The following CNTN5 variants were observed in gnomAD, a reference collection of about 807,000 sequenced individuals.
CNTN5 encodes contactin 5.
Under a neutral mutation model 129.1 loss-of-function variants are expected in CNTN5, and 77 were observed. The ratio of observed to expected loss-of-function variants is 0.60; its 90% CI spans 0.50 to 0.72. The LOEUF (loss-of-function observed/expected upper bound fraction) is 0.72. Ranked by LOEUF, CNTN5 falls within the 30% of genes least tolerant of loss-of-function variation. CNTN5 has a pLI of 0.00. For synonymous variants in CNTN5, 509 were observed against 465.6 expected (o/e 1.09, Z -1.20); for missense variants, 1,478 against 1,328.8 (o/e 1.11, Z -1.75).
At chr11:100,020,536 T>C (rs781484078) in intron 9 of CNTN5, among the ~76,000 whole-genome samples, 6 of 152,108 alleles carry the variant, frequency 3.9e-5, no homozygotes, top group Non-Finnish European at 8.8e-5. Context: ...GTTATAACTT[T>C]GTGGTAGATT....
rs550734212 is a variant in CNTN5 at position 99,245,854 on chromosome 11, A to G, written c.-209-79492A>G. Among the ~76,000 whole-genome samples the G allele has an allele frequency of 7.9e-5, 12 of 152,266 alleles. No individual in the cohort carries two copies. In the South Asian group the frequency reaches 2.5e-3, roughly 32 times the overall value. On this transcript the variant is annotated intron_variant, in intron 1 of 24. Transcript: ENST00000524871. ...ATGTTTAGCAATATTCCAGACCTCT[A>G]TTAACTAGATGACAGTAGCGTCCCT...
At chr11:100,092,619 A>G (rs1944831525) in intron 13 of CNTN5, among the ~76,000 whole-genome samples, 1 of 152,150 alleles carries the variant, frequency 6.6e-6, no homozygotes, top group African/African-American at 2.4e-5. Flanking sequence ...TTTAAACACT[A>G]TTATAAGATT....
intron 2 of CNTN5, among the ~76,000 whole-genome samples, chr11:99,549,165 AC>A (rs1565284419): frequency 1.3e-5 from 2 of 151,040 alleles, no homozygotes; most frequent in African/African-American, 4.9e-5. Context: ...TATGATTCTG[AC>A]CTTTATCATT....
chr11:100,251,231 C>T (rs570357736), intron 16 of CNTN5, among the ~76,000 whole-genome samples: 31 of 152,046 alleles, frequency 2.0e-4, no homozygotes, highest in Non-Finnish European at 3.8e-4. Flanking sequence ...AATTCTTGCT[C>T]GATTTTCTCA....
intron 1 of CNTN5, among the ~76,000 whole-genome samples, chr11:99,221,040 G>A (rs1474525769): frequency 1.3e-5 from 2 of 151,918 alleles, no homozygotes; most frequent in African/African-American, 2.4e-5. Flanking sequence ...TGTTGGAAAT[G>A]TTCTTCTCTG....
chr11:100,308,315 G>T, intron 20 of CNTN5, 44 bp from the exon 21 acceptor site: 1 of 1,571,482 alleles, frequency 6.4e-7, no homozygotes, highest in South Asian at 1.2e-5. Context: ...ATACTTTGAT[G>T]GACATAAACT....
rs985692149 is a variant in CNTN5 at position 99,991,698 on chromosome 11, A to G, written c.878-10336A>G. 3.9e-5 allele frequency among the ~76,000 whole-genome samples: 6 copies of G among 152,064 alleles called. No homozygotes were observed. The South Asian group carries it at 1.2e-3, about 32-fold the overall frequency. On this transcript the variant is annotated intron_variant, in intron 8 of 24. Coordinates refer to ENST00000524871, the MANE Select transcript of CNTN5 (RefSeq NM_014361.4). The stretch of plus-strand genomic sequence containing the variant: ...ATTGGCTGCCTTTCAATAGCAAACT[A>G]CTTCCCTCCATGTAGTGGAAGCTCC...
At chr11:99,644,750 T>C (rs1295974816) in intron 3 of CNTN5, among the ~76,000 whole-genome samples, 3 of 152,264 alleles carry the variant, frequency 2.0e-5, no homozygotes, top group African/African-American at 7.2e-5. Flanking sequence ...ATTTGAACAT[T>C]TAGCCTAGTA....
At chr11:99,959,137 A>G (rs566109312) in intron 8 of CNTN5, among the ~76,000 whole-genome samples, 1 of 152,166 alleles carries the variant, frequency 6.6e-6, no homozygotes, top group South Asian at 2.1e-4. Context: ...ACTCCAGTGA[A>G]CTCAATTATA....
At chr11:99,140,928 C>A (rs866512566) in intron 1 of CNTN5, among the ~76,000 whole-genome samples, 1 of 150,840 alleles carries the variant, frequency 6.6e-6, no homozygotes, top group African/African-American at 2.4e-5. Context: ...TTGCAGCTAT[C>A]TTCTTTAGGG....
At chr11:100,205,198 T>C (rs181771331) in intron 15 of CNTN5, among the ~76,000 whole-genome samples, 1 of 152,202 alleles carries the variant, frequency 6.6e-6, no homozygotes, top group Non-Finnish European at 1.5e-5. Context: ...TTCTAAGACA[T>C]CTTTAAAATT....
intron 8 of CNTN5, among the ~76,000 whole-genome samples, chr11:99,966,691 G>A (rs1384969306): frequency 1.3e-5 from 2 of 152,182 alleles, no homozygotes; most frequent in African/African-American, 4.8e-5. Context: ...CACACAAGAA[G>A]TATCTGAAAC....
intron 4 of CNTN5, among the ~76,000 whole-genome samples, chr11:99,829,078 AAAAT>A (rs1017417455): frequency 2.0e-5 from 3 of 152,200 alleles, no homozygotes; most frequent in African/African-American, 4.8e-5. Flanking sequence ...ATTTACAAAA[AAAAT>A]AAGGAAGCTT....
chr11:99,600,971 A>T (rs1950294693), intron 3 of CNTN5, among the ~76,000 whole-genome samples: 1 of 152,152 alleles, frequency 6.6e-6, no homozygotes, highest in Admixed American at 6.5e-5. Flanking sequence ...CTGCAAATGT[A>T]ATTGGCTTAG....
At chr11:99,379,369 G>A (rs1207642436) in intron 2 of CNTN5, among the ~76,000 whole-genome samples, 1 of 151,868 alleles carries the variant, frequency 6.6e-6, no homozygotes, top group Non-Finnish European at 1.5e-5. Flanking sequence ...ATTCATGGTA[G>A]TGGGAAGATA....
intron 3 of CNTN5, among the ~76,000 whole-genome samples, chr11:99,704,092 C>T (rs1954650551): frequency 6.7e-6 from 1 of 150,202 alleles, no homozygotes; most frequent in Non-Finnish European, 1.5e-5. Flanking sequence ...TGTATACATA[C>T]ACCCATATGC....
At chr11:99,528,678 T>G (rs1188581817) in intron 2 of CNTN5, among the ~76,000 whole-genome samples, 1 of 152,226 alleles carries the variant, frequency 6.6e-6, no homozygotes, top group Non-Finnish European at 1.5e-5. Flanking sequence ...AATTCTCATT[T>G]GTAGGCTGAA....
At chr11:99,083,713 T>C (rs1215672145) in intron 1 of CNTN5, among the ~76,000 whole-genome samples, 1 of 152,150 alleles carries the variant, frequency 6.6e-6, no homozygotes, top group Non-Finnish European at 1.5e-5. Flanking sequence ...ACATTTTTAG[T>C]GGAGAAAACA....
chr11:100,112,901 G>A (rs367650443), intron 13 of CNTN5, among the ~76,000 whole-genome samples: 18 of 152,204 alleles, frequency 1.2e-4, no homozygotes, highest in African/African-American at 4.3e-4. Context: ...TAAGAGCATA[G>A]CTATGCTCAG....
Sources: allele counts gnomAD v4.1 joint callset (sites outside exome capture counted in the v4.1 genomes callset), GRCh38; gene constraint gnomAD v4.1.1; transcripts MANE v1.5; gene names NCBI Gene and HGNC (gene_info 2026-07-23, HGNC 2026-07-21).